The following SNX18 variants were observed in gnomAD, a reference collection of about 807,000 sequenced individuals.
The protein encoded by SNX18 is sorting nexin-18.
A neutral mutation model predicts 48.7 loss-of-function variants in SNX18; 35 were observed. The ratio of observed to expected loss-of-function variants is 0.72; its 90% CI spans 0.55 to 0.95. The LOEUF (loss-of-function observed/expected upper bound fraction) is 0.95, where lower values mean the gene tolerates loss of function less well. Among genes scored for constraint, SNX18 ranks in the 40% least tolerant of loss-of-function variants. The pLI is 0.00. For missense variants in SNX18, 824 were observed against 871.0 expected (o/e 0.95, Z 0.68); for synonymous variants, 492 against 384.7 (o/e 1.28, Z -3.26).
downstream of SNX18, among the ~76,000 whole-genome samples, chr5:54,551,564 G>T (rs529215033): frequency 9.9e-5 from 15 of 152,114 alleles, no homozygotes; most frequent in Non-Finnish European, 1.8e-4. Flanking sequence ...CTGCCGTTAC[G>T]TTCATTCTTT....
the SNX18 span, among the ~76,000 whole-genome samples, chr5:54,562,494 G>T: frequency 2.0e-5 from 3 of 152,074 alleles, no homozygotes; most frequent in African/African-American, 7.2e-5. Context: ...TAGGTTGGTG[G>T]TCCATAAGAC....
the SNX18 span, among the ~76,000 whole-genome samples, chr5:54,624,771 G>C: frequency 1.7e-4 from 26 of 152,270 alleles, 1 homozygote; most frequent in East Asian, 4.6e-3. Flanking sequence ...ATGGAAGCTA[G>C]GCATCCAGAG....
intron 1 of SNX18, among the ~76,000 whole-genome samples, chr5:54,542,408 C>CA (rs1280291970): frequency 1.3e-5 from 2 of 152,074 alleles, no homozygotes; most frequent in Admixed American, 6.5e-5. Flanking sequence ...CTTATAGTCC[C>CA]AAAAAAGGGG....
rs1761896292 is a variant in SNX18, at chr5:54,517,920, G to A, written c.-33G>A. On this transcript the variant is annotated 5_prime_UTR_variant, in exon 1 of 2. Coordinates refer to ENST00000381410, the MANE Select transcript of SNX18 (RefSeq NM_001102575.2). ...AGGTGGGCCTCGGCTCGGGACGCCG[G>A]GAGTCGGGACCGCCAGTCGGGGCGC... is the stretch of plus-strand genomic sequence containing the variant. 7.4e-6 allele frequency: 11 copies of A among 1,481,896 alleles called. No individual in the cohort carries two copies. The highest frequency in any genetic ancestry group is 9.8e-6 in the Non-Finnish European group (11 of 1,121,504). 91.8% of individuals were successfully genotyped at this position (1,481,896 alleles called of 1,614,324 possible). A position where few individuals can be genotyped will look rare whatever the true frequency, so the allele number is the denominator to read the frequency against.
chr5:54,639,326 C>T, the SNX18 span, among the ~76,000 whole-genome samples: 6 of 152,146 alleles, frequency 3.9e-5, no homozygotes, highest in Non-Finnish European at 8.8e-5. Flanking sequence ...GCATTAGAAT[C>T]CATACATGTA....
chr5:54,552,220 C>T, the SNX18 span, among the ~76,000 whole-genome samples: 1 of 152,194 alleles, frequency 6.6e-6, no homozygotes, highest in Non-Finnish European at 1.5e-5. Context: ...TTTTGACTGT[C>T]ACATCTGCGT....
At position 54,544,046 on chromosome 5, in the gene SNX18, T is replaced by TGGGGGGGGCGGTG. The variant is rs3833647; in HGVS notation, c.*618_*619insGGGGCGGTGGGGG. On this transcript the variant is annotated 3_prime_UTR_variant, in exon 2 of 2. Coordinates refer to ENST00000381410, the MANE Select transcript of SNX18 (RefSeq NM_001102575.2). Reference sequence around the variant, plus strand: ...TGGCAGTAGGGGGTGGGGGGGGCGGTGGGGTGGGACGATCAGCTGTCATCA... The same window carrying TGGGGGGGGCGGTG: ...TGGCAGTAGGGGGTGGGGGGGGCGGTGGGGGGGGCGGTGGGGGTGGGACGATCAGCTGTCATCA... The TGGGGGGGGCGGTG allele has an allele frequency of 1.5e-4, 8 of 52,850 alleles. No homozygotes were observed. The highest frequency in any genetic ancestry group is 5.9e-4 in the Admixed American group (3 of 5,046). 3.3% of individuals were successfully genotyped at this position (52,850 alleles called of 1,614,324 possible). A position where few individuals can be genotyped will look rare whatever the true frequency, so the allele number is the denominator to read the frequency against.
chr5:54,630,823 C>T, the SNX18 span, among the ~76,000 whole-genome samples: 291 of 109,616 alleles, frequency 2.7e-3, no homozygotes, highest in African/African-American at 0.012. Flanking sequence ...CAGAGCAAGA[C>T]TCAGTCAAAA....
chr5:54,523,422 C>T (rs1263288897), intron 1 of SNX18, among the ~76,000 whole-genome samples: 1 of 152,106 alleles, frequency 6.6e-6, no homozygotes, highest in African/African-American at 2.4e-5. Flanking sequence ...AAAAGGAAGA[C>T]TGTAAAAGAT....
the SNX18 span, among the ~76,000 whole-genome samples, chr5:54,609,965 T>C: frequency 3.3e-5 from 5 of 152,110 alleles, no homozygotes; most frequent in South Asian, 1.0e-3. Context: ...TAAAAGTGTG[T>C]GGCACCTCCC....
At chr5:54,613,948 G>T in the SNX18 span, among the ~76,000 whole-genome samples, 1 of 152,138 alleles carries the variant, frequency 6.6e-6, no homozygotes, top group African/African-American at 2.4e-5. Flanking sequence ...GCCTGCCTCG[G>T]CCTCTCAAAA....
At chr5:54,598,961 A>G in the SNX18 span, among the ~76,000 whole-genome samples, 2 of 152,238 alleles carry the variant, frequency 1.3e-5, no homozygotes, top group South Asian at 2.1e-4. Flanking sequence ...TGCAGATGAC[A>G]TGATCCTATA....
intron 1 of SNX18, among the ~76,000 whole-genome samples, chr5:54,531,752 C>T (rs1041245606): frequency 6.6e-6 from 1 of 152,128 alleles, no homozygotes; most frequent in African/African-American, 2.4e-5. Flanking sequence ...CGTGTCCTTA[C>T]ATTTAAAACA....
chr5:54,521,918 G>A (rs1381166474), intron 1 of SNX18, among the ~76,000 whole-genome samples: 1 of 152,022 alleles, frequency 6.6e-6, no homozygotes, highest in Non-Finnish European at 1.5e-5. Context: ...AGTCACTTGG[G>A]ATTTGAAAAA....
At chr5:54,609,980 T>G in the SNX18 span, among the ~76,000 whole-genome samples, 5 of 151,510 alleles carry the variant, frequency 3.3e-5, no homozygotes, top group African/African-American at 1.2e-4. Context: ...CCTCCCCTCC[T>G]CTCTCTCTCT....
At chr5:54,585,301 A>T in the SNX18 span, among the ~76,000 whole-genome samples, 1 of 151,954 alleles carries the variant, frequency 6.6e-6, no homozygotes, top group Admixed American at 6.6e-5. Flanking sequence ...CAAAAAGAAA[A>T]AAAAAAAAAA....
At chr5:54,565,545 C>T in the SNX18 span, among the ~76,000 whole-genome samples, 1 of 152,036 alleles carries the variant, frequency 6.6e-6, no homozygotes, top group Non-Finnish European at 1.5e-5. Flanking sequence ...TGCACTCCAG[C>T]CTGGGTGACA....
In SNX18 at chr5:54,543,208, C is replaced by T; in HGVS notation, c.1651C>T (p.Arg551Ter). The T allele has an allele frequency of 1.9e-6, 3 of 1,613,832 alleles. No homozygotes were observed. Among genetic ancestry groups the T allele is most frequent in the Middle Eastern group, 1.7e-4 (1 of 6,060 alleles). ...TCTTACCAAAGTCAAGGAGAGTAGG[C>T]GACACGTGGAGGAAGGGAAGATGGA... ...GALTKVKESRRHVEEGKMEVQ... is the reference protein window; with the variant it reads ...GALTKVKESR The change falls in exon 2 of 2, where the codon CGA becomes TGA. Residue 551 changes from arginine to a stop codon, truncating the protein, a stop_gained. Transcript: ENST00000381410. LOFTEE classifies it high-confidence loss of function.
the SNX18 span, among the ~76,000 whole-genome samples, chr5:54,559,997 C>CA: frequency 6.6e-6 from 1 of 152,084 alleles, no homozygotes; most frequent in Non-Finnish European, 1.5e-5. Flanking sequence ...CAAATCAAAA[C>CA]CACAATGAGA....
Sources: gnomAD v4.1 joint callset for allele counts (sites outside exome capture counted in the v4.1 genomes callset) on GRCh38, gnomAD v4.1.1 for gene constraint, MANE v1.5 for transcripts, NCBI Gene and HGNC (gene_info 2026-07-23, HGNC 2026-07-21) for gene names.